The following CLVS1 variants were observed in gnomAD, a reference collection of about 807,000 sequenced individuals.
The protein encoded by CLVS1 is clavesin 1.
In CLVS1, 10 loss-of-function variants were observed where a neutral mutation model predicts 33.1. The ratio of observed to expected loss-of-function variants is 0.30; its 90% CI spans 0.19 to 0.51. CLVS1 has a LOEUF of 0.51. Among genes scored for constraint, CLVS1 ranks in the 20% least tolerant of loss-of-function variants. CLVS1 has a pLI of 0.97. For synonymous variants in CLVS1, 163 were observed against 166.1 expected, an observed-to-expected ratio of 0.98 and a Z score of 0.14; for missense variants, 343 against 433.4, an observed-to-expected ratio of 0.79 and a Z score of 1.85.
At chr8:61,322,535 C>T (rs1482322050) in intron 2 of CLVS1, among the ~76,000 whole-genome samples, 1 of 152,098 alleles carries the variant, frequency 6.6e-6, no homozygotes, top group Non-Finnish European at 1.5e-5. Context: ...TTAGGGACTT[C>T]CAGTGCCATC....
At chr8:61,088,045 T>G (rs1429503574) in intron 1 of CLVS1, among the ~76,000 whole-genome samples, 2 of 152,246 alleles carry the variant, frequency 1.3e-5, no homozygotes, top group Non-Finnish European at 2.9e-5. Context: ...ATGTTTTGTT[T>G]GCTTGACTTG....
intron 2 of CLVS1, among the ~76,000 whole-genome samples, chr8:61,345,055 C>T (rs2091969807): frequency 6.6e-6 from 1 of 152,134 alleles, no homozygotes; most frequent in Non-Finnish European, 1.5e-5. Flanking sequence ...CTTCTCGATG[C>T]CTCTTTAGTG....
Position 61,419,473 on chromosome 8 carries a change from A to T in CLVS1, c.631-34668A>T, listed in dbSNP as rs147143611. On this transcript the variant is annotated intron_variant, in intron 3 of 5. Coordinates refer to ENST00000325897, the MANE Select transcript of CLVS1 (RefSeq NM_173519.3). ...AGAAAATAATGAGGGAAAATGGGGA[A>T]TTTTTTCCAAGAGAGTTGAAGATGC... 6.3e-3 allele frequency among the ~76,000 whole-genome samples: 959 copies of T among 151,858 alleles called. 17 individuals carry two copies. The highest frequency in any genetic ancestry group is 0.022 in the African/African-American group (920 of 41,296).
chr8:61,043,053 C>G, the CLVS1 span, among the ~76,000 whole-genome samples: 2 of 152,188 alleles, frequency 1.3e-5, no homozygotes, highest in Admixed American at 1.3e-4. Flanking sequence ...CAACCCAAAG[C>G]ACCATCATCA....
At chr8:61,234,797 T>C (rs1808521406) in intron 2 of CLVS1, among the ~76,000 whole-genome samples, 1 of 151,912 alleles carries the variant, frequency 6.6e-6, no homozygotes, top group Non-Finnish European at 1.5e-5. Context: ...CGCAGAAAAA[T>C]GGGGATGCTC....
intron 2 of CLVS1, among the ~76,000 whole-genome samples, chr8:61,375,758 C>G (rs1813615834): frequency 6.6e-6 from 1 of 152,182 alleles, no homozygotes; most frequent in African/African-American, 2.4e-5. Flanking sequence ...AAGAAAAACA[C>G]TGAATCTAGA....
At position 61,373,457 on chromosome 8, in the gene CLVS1, A is replaced by C. The variant is rs1014301683; in HGVS notation, c.456-3148A>C. On this transcript the variant is annotated intron_variant, in intron 2 of 5. Transcript: ENST00000325897. ...TGCTGCAATAAAGGTTGTGGTCTCC[A>C]AAATGCATAGAATGGTTTCCAGGCA... 1.3e-5 allele frequency among the ~76,000 whole-genome samples: 2 copies of C among 152,238 alleles called. 1 individual carries two copies. The highest frequency in any genetic ancestry group is 2.9e-5 in the Non-Finnish European group (2 of 68,036).
chr8:61,082,390 G>A (rs1474547278), intron 1 of CLVS1, among the ~76,000 whole-genome samples: 1 of 152,052 alleles, frequency 6.6e-6, no homozygotes, highest in Non-Finnish European at 1.5e-5. Context: ...AGGGAATAAT[G>A]ACTGAGAATT....
At chr8:61,021,455 A>G in the CLVS1 span, among the ~76,000 whole-genome samples, 3 of 151,844 alleles carry the variant, frequency 2.0e-5, no homozygotes, top group Non-Finnish European at 4.4e-5. Flanking sequence ...GGTTCAAGCG[A>G]TTCCCTTGCC....
chr8:61,428,955 A>G (rs1249872676), intron 3 of CLVS1, among the ~76,000 whole-genome samples: 1 of 152,196 alleles, frequency 6.6e-6, no homozygotes, highest in African/African-American at 2.4e-5. Context: ...AAGTATGTGT[A>G]TGTGTGTCTT....
chr8:61,273,615 TCA>T (rs1351125984), intron 2 of CLVS1, among the ~76,000 whole-genome samples: 1 of 152,160 alleles, frequency 6.6e-6, no homozygotes, highest in Non-Finnish European at 1.5e-5. Flanking sequence ...CAGTTTGATC[TCA>T]GACTGCTGTG....
chr8:61,386,954 T>TA (rs1238746178), intron 3 of CLVS1, among the ~76,000 whole-genome samples: 1 of 152,110 alleles, frequency 6.6e-6, no homozygotes, highest in Admixed American at 6.5e-5. Flanking sequence ...CAATTTCCAA[T>TA]AAAATTTTAA....
intron 2 of CLVS1, among the ~76,000 whole-genome samples, chr8:61,235,374 G>T (rs1377071234): frequency 6.6e-6 from 1 of 152,164 alleles, no homozygotes; most frequent in Non-Finnish European, 1.5e-5. Flanking sequence ...GTTTCAGGAG[G>T]CAAGAATTTC....
intron 2 of CLVS1, among the ~76,000 whole-genome samples, chr8:61,236,745 CTG>C (rs367943289): frequency 1.3e-3 from 196 of 152,260 alleles, no homozygotes; most frequent in African/African-American, 4.6e-3. Context: ...ATGGAAAAGA[CTG>C]TAGAGATCAT....
intron 3 of CLVS1, among the ~76,000 whole-genome samples, chr8:61,441,558 G>A (rs1816545231): frequency 6.6e-6 from 1 of 152,160 alleles, no homozygotes; most frequent in South Asian, 2.1e-4. Context: ...TTGAGTTCAG[G>A]TATGTTTTGA....
At chr8:61,487,881 G>A (rs558242080) in intron 5 of CLVS1, among the ~76,000 whole-genome samples, 4 of 152,144 alleles carry the variant, frequency 2.6e-5, no homozygotes, top group Non-Finnish European at 2.9e-5. Context: ...TCAACATTTC[G>A]TCAGCCATTG....
intron 1 of CLVS1, among the ~76,000 whole-genome samples, chr8:61,090,726 T>C (rs1805228223): frequency 6.6e-6 from 1 of 152,248 alleles, no homozygotes; most frequent in African/African-American, 2.4e-5. Flanking sequence ...ATCCCACTAT[T>C]GTGTTTTTGG....
At chr8:61,349,128 A>T (rs1025875014) in intron 2 of CLVS1, among the ~76,000 whole-genome samples, 1 of 152,016 alleles carries the variant, frequency 6.6e-6, no homozygotes, top group Non-Finnish European at 1.5e-5. Context: ...CCTTTGTTAG[A>T]TGTATGGTTT....
chr8:60,988,016 G>A, the CLVS1 span, among the ~76,000 whole-genome samples: 1 of 152,176 alleles, frequency 6.6e-6, no homozygotes, highest in Non-Finnish European at 1.5e-5. Flanking sequence ...AGAGACATCT[G>A]GGAAGGTAGG....
Sources: allele counts gnomAD v4.1 joint callset (sites outside exome capture counted in the v4.1 genomes callset), GRCh38; gene constraint gnomAD v4.1.1; transcripts MANE v1.5; gene names NCBI Gene and HGNC (gene_info 2026-07-23, HGNC 2026-07-21).